Variants in COL7A1 observed in about 807,000 individuals in gnomAD.
The protein encoded by COL7A1 is collagen type VII alpha 1 chain, also known as collagen alpha-1(VII) chain.
Under a neutral mutation model 456.2 loss-of-function variants are expected in COL7A1, and 296 were observed. The ratio of observed to expected loss-of-function variants is 0.65; its 90% CI spans 0.59 to 0.71. The LOEUF (loss-of-function observed/expected upper bound fraction) is 0.71. Among genes scored for constraint, COL7A1 ranks in the 30% least tolerant of loss-of-function variants. The probability of loss-of-function intolerance (pLI) is 0.00; values close to 1 mark genes in which losing one functional copy is unlikely to be tolerated. For synonymous variants in COL7A1, 1,464 were observed against 1,525.9 expected (o/e 0.96, Z 0.95); for missense variants, 3,441 against 4,017.2 (o/e 0.86, Z 3.88).
chr3:48,594,683 G>C lies in COL7A1; in HGVS notation c.86-135C>G. 1.8e-6 allele frequency: 2 copies of C among 1,082,034 alleles called. No individual in the cohort carries two copies. The highest frequency in any genetic ancestry group is 2.7e-6 in the Non-Finnish European group (2 of 754,148). The allele number at this position is 1,082,034 out of a possible 1,614,324, so 67.0% of individuals were successfully genotyped here. ...ATGCAAACCAGGGCCGAATCGGCCTGAGCCTGAGGGCCTTGGAGGGAGTTG... is the reference window on the plus strand; with the variant it reads ...ATGCAAACCAGGGCCGAATCGGCCTCAGCCTGAGGGCCTTGGAGGGAGTTG... On this transcript the variant is annotated intron_variant, in intron 2 of 118. Coordinates refer to ENST00000681320, the MANE Select transcript of COL7A1 (RefSeq NM_000094.4). This position sits in a 1 kb window ranked among gnomAD's most constrained non-coding sequence, Gnocchi z 5.5.
At position 48,593,399 on chromosome 3, in the gene COL7A1, A is replaced by G. The variant is rs910778254; in HGVS notation, c.477T>C (p.Ala159=). 11 of 1,613,976 alleles carry G rather than the reference A, an allele frequency of 6.8e-6. No individual in the cohort carries two copies. The African/African-American group carries it at 9.3e-5, about 14-fold the overall frequency. Residue 159 remains alanine (A), a synonymous_variant, in exon 5 of 119, where the codon GCT becomes GCC. Coordinates refer to ENST00000681320, the MANE Select transcript of COL7A1 (RefSeq NM_000094.4). The surrounding 1 kb of genome is among the most constrained non-coding windows in gnomAD (Gnocchi z 4.4). ...DGKSQDLVDT[A]AQRLKGQGVK... ...CCCCCTGCCCCTTCAGCCTTTGGGC[A>G]GCTGTGTCCACCAGGTCCTGGGACT...
Position 48,571,829 on chromosome 3 carries a change from G to T in COL7A1, c.7068+172C>A. 1.3e-6 allele frequency: 1 copy of T among 796,698 alleles called. No homozygotes were observed. The highest frequency in any genetic ancestry group is 2.1e-6 in the Non-Finnish European group (1 of 486,936). 49.4% of individuals were successfully genotyped at this position (796,698 alleles called of 1,614,324 possible). The stretch of plus-strand genomic sequence containing the variant: ...AGACAGGGCCCCCAGAGCTCAGAGT[G>T]TGGAAGCCGACAGTGTGTGGCTCCC... On this transcript the variant is annotated intron_variant, in intron 92 of 118. Coordinates refer to ENST00000681320, the MANE Select transcript of COL7A1 (RefSeq NM_000094.4). This position sits in a 1 kb window ranked among gnomAD's most constrained non-coding sequence, Gnocchi z 4.6.
Position 48,566,804 on chromosome 3 carries a change from G to T in COL7A1, c.8227-67C>A. The T allele has an allele frequency of 6.3e-7, 1 of 1,599,254 alleles. No homozygotes were observed. Among genetic ancestry groups the T allele is most frequent in the East Asian group, 2.2e-5 (1 of 44,728 alleles). On this transcript the variant is annotated intron_variant, in intron 111 of 118. Coordinates refer to ENST00000681320, the MANE Select transcript of COL7A1 (RefSeq NM_000094.4). The surrounding 1 kb of genome is among the most constrained non-coding windows in gnomAD (Gnocchi z 5.9). The stretch of plus-strand genomic sequence containing the variant: ...GGGGATCAGAGTCAGGCAGGTTGGG[G>T]GCCACAGCTTCAGAGGTTGGGGCAG...
chr3:48,591,356 G>A lies in COL7A1; in HGVS notation c.1636+108C>T. On this transcript the variant is annotated intron_variant, in intron 13 of 118. Transcript: ENST00000681320. This position sits in a 1 kb window ranked among gnomAD's most constrained non-coding sequence, Gnocchi z 7.0. ...AGCAGATGGATAACGAGACAGGGAG[G>A]AGACTATAGGGACCCAGGTGTGGAA... 3 of 1,442,628 alleles carry A rather than the reference G, an allele frequency of 2.1e-6. No homozygotes were observed. Among genetic ancestry groups the A allele is most frequent in the East Asian group, 2.3e-5 (1 of 43,384 alleles). The allele number at this position is 1,442,628 out of a possible 1,614,324, so 89.4% of individuals were successfully genotyped here. A position where few individuals can be genotyped will look rare whatever the true frequency, so the allele number is the denominator to read the frequency against.
Position 48,587,887 on chromosome 3 carries a change from C to G in COL7A1, c.2763G>C (p.Leu921=). 1 of 1,611,126 alleles carries G rather than the reference C, an allele frequency of 6.2e-7. No individual in the cohort carries two copies. Among genetic ancestry groups the G allele is most frequent in the Non-Finnish European group, 8.5e-7 (1 of 1,179,050 alleles). Residue 921 remains leucine, a synonymous_variant, in exon 22 of 119, where the codon CTG becomes CTC. Coordinates refer to ENST00000681320, the MANE Select transcript of COL7A1 (RefSeq NM_000094.4). The surrounding 1 kb of genome is among the most constrained non-coding windows in gnomAD (Gnocchi z 6.1). ...VLGPELSSYH[L]DGLEPATQYR... ...ACTGTGTCGCTGGCTCCAGCCCGTC[C>G]AGGTGATAGCTGCTGAGCTCGGGCC...
At position 48,565,628 on chromosome 3, in the gene COL7A1, C is replaced by T. The variant is rs200575328; in HGVS notation, c.8440+8G>A. On this transcript the variant is annotated splice_region_variant and intron_variant, in intron 115 of 118. Transcript: ENST00000681320. This position sits in a 1 kb window ranked among gnomAD's most constrained non-coding sequence, Gnocchi z 4.5. ...TGAAGAAAGTTCTGGGAGTAGAAAA[C>T]TACTCACGTGATCCAGATGCGATGA... 5 of 1,614,070 alleles carry T rather than the reference C, an allele frequency of 3.1e-6. No homozygotes were observed. Among genetic ancestry groups the T allele is most frequent in the Admixed American group, 1.7e-5 (1 of 60,020 alleles).
In COL7A1 at chr3:48,590,895, C is replaced by T. The variant is rs141002543; in HGVS notation, c.1637-79G>A. On this transcript the variant is annotated intron_variant, in intron 13 of 118. Transcript: ENST00000681320. This position sits in a 1 kb window ranked among gnomAD's most constrained non-coding sequence, Gnocchi z 4.6. ...GGACGATGGCAGTGATGGACAGGGA[C>T]GCAGAGTGAGAAGGGCCATGGGGGT... The T allele has an allele frequency of 3.6e-4, 516 of 1,444,908 alleles. 1 individual carries two copies. In the African/African-American group the frequency reaches 6.2e-3, roughly 17 times the overall value. 89.5% of individuals were successfully genotyped at this position (1,444,908 alleles called of 1,614,324 possible).
intron 36 of COL7A1, 25 bp downstream of exon 36, chr3:48,584,460 T>A (rs1474918729): frequency 3.7e-6 from 6 of 1,613,668 alleles, no homozygotes; most frequent in Non-Finnish European, 5.1e-6. Context: ...TACACATCAC[T>A]TGCCTCCACA....
chr3:48,565,433 C>T lies in COL7A1; in HGVS notation c.8504G>A (p.Arg2835His), dbSNP rs139014122. The change falls in exon 116 of 119, where the codon CGC (arginine) becomes CAC (histidine). Residue 2835 changes from arginine (R) to histidine (H), a missense_variant. This residue lies in a region of COL7A1 where 2,084 missense variants were observed against 2,501.3 expected (regional missense o/e 0.83). Coordinates refer to ENST00000681320, the MANE Select transcript of COL7A1 (RefSeq NM_000094.4). The surrounding 1 kb of genome is among the most constrained non-coding windows in gnomAD (Gnocchi z 4.5). The stretch of plus-strand genomic sequence containing the variant: ...ACCTTCCTCCTCTGCATGAGAGACG[C>T]GGAGCACAGGCACAGCATGGAGCTG... The part of the protein sequence containing the change: ...GSQLHAVPVL[R>H]VSHAEEEERV... The T allele has an allele frequency of 5.1e-4, 823 of 1,612,200 alleles. 7 individuals are homozygous for T. Among genetic ancestry groups the T allele is most frequent in the Middle Eastern group, 3.3e-4 (2 of 6,048 alleles).
Position 48,567,143 on chromosome 3 carries a change from G to T in COL7A1, c.8094C>A (p.Gly2698=), listed in dbSNP as rs199936185. 15 of 1,613,838 alleles carry T rather than the reference G, an allele frequency of 9.3e-6. No homozygotes were observed. The highest frequency in any genetic ancestry group is 1.3e-5 in the Non-Finnish European group (15 of 1,179,956). The change falls in exon 110 of 119, where the codon GGC becomes GGA. Residue 2698 remains glycine, a synonymous_variant. Transcript: ENST00000681320. The surrounding 1 kb of genome is among the most constrained non-coding windows in gnomAD (Gnocchi z 4.3). ...DGQPGPKGDQ[G]EKGERGTPGI... ...TTCAACTCACCCGCTCCCCTTTCTCGCCCTGGTCACCCTTGGGGCCTGGCT... is the reference window on the plus strand; with the variant it reads ...TTCAACTCACCCGCTCCCCTTTCTCTCCCTGGTCACCCTTGGGGCCTGGCT...
chr3:48,577,955 G>T (rs1306225531), intron 65 of COL7A1, among the ~76,000 whole-genome samples: 1 of 152,158 alleles, frequency 6.6e-6, no homozygotes. Context: ...ATCACCTGAG[G>T]TCAGTTTGTG....
rs1396459346 is a variant in COL7A1, at chr3:48,592,465, C to A, written c.979G>T (p.Ala327Ser). 6.2e-7 allele frequency: 1 copy of A among 1,613,450 alleles called. No homozygotes were observed. Among genetic ancestry groups the A allele is most frequent in the Non-Finnish European group, 8.5e-7 (1 of 1,179,996 alleles). Residue 327 changes from alanine (A) to serine (S), a missense_variant and splice_region_variant, in exon 9 of 119, where the codon GCC becomes TCC. Ala to Ser is a moderately conservative substitution (Grantham distance 99, BLOSUM62 1). Transcript: ENST00000681320. The surrounding 1 kb of genome is among the most constrained non-coding windows in gnomAD (Gnocchi z 7.6). ...EAVSGTARTT[A>S]LEGPELTIQN... ...ATGGTCAGTTCCGGCCCTTCTAGGG[C>A]AGCTGGGGGAGAGTCCCACCAGGGA...
chr3:48,568,965 C>T lies in COL7A1; in HGVS notation c.7687-110G>A. On this transcript the variant is annotated intron_variant, in intron 103 of 118. Coordinates refer to ENST00000681320, the MANE Select transcript of COL7A1 (RefSeq NM_000094.4). This position sits in a 1 kb window ranked among gnomAD's most constrained non-coding sequence, Gnocchi z 5.2. ...GAGCTCAAGTCACTCCCGAACGGCCCTAGCAGCACGTCCTCCCAGCCTGTG... is the reference window on the plus strand; with the variant it reads ...GAGCTCAAGTCACTCCCGAACGGCCTTAGCAGCACGTCCTCCCAGCCTGTG... 4 of 1,067,308 alleles carry T rather than the reference C, an allele frequency of 3.7e-6. No homozygotes were observed. The highest frequency in any genetic ancestry group is 5.6e-6 in the Non-Finnish European group (4 of 715,526). The allele number at this position is 1,067,308 out of a possible 1,614,324, so 66.1% of individuals were successfully genotyped here.
In COL7A1 at chr3:48,583,336, ACC is replaced by A; in HGVS notation, c.4437+55_4437+56del. ...TCCTTATCTTCCAGCCTCCCCTAAC[ACC>A]ATGGGGAGCCCAGAGTAGCACCCCT... On this transcript the variant is annotated intron_variant, in intron 42 of 118. Transcript: ENST00000681320. This position sits in a 1 kb window ranked among gnomAD's most constrained non-coding sequence, Gnocchi z 5.1. The A allele has an allele frequency of 1.2e-6, 2 of 1,610,128 alleles. No individual in the cohort carries two copies. Among genetic ancestry groups the A allele is most frequent in the Non-Finnish European group, 1.7e-6 (2 of 1,176,650 alleles).
Position 48,586,727 on chromosome 3 carries a change from C to T in COL7A1, c.3277-38G>A, listed in dbSNP as rs970737936. The T allele has an allele frequency of 6.4e-7, 1 of 1,555,622 alleles. No homozygotes were observed. The highest frequency in any genetic ancestry group is 8.7e-7 in the Non-Finnish European group (1 of 1,149,146). On this transcript the variant is annotated intron_variant, in intron 25 of 118. Coordinates refer to ENST00000681320, the MANE Select transcript of COL7A1 (RefSeq NM_000094.4). This position sits in a 1 kb window ranked among gnomAD's most constrained non-coding sequence, Gnocchi z 5.1. The stretch of plus-strand genomic sequence containing the variant: ...GAAACACAGAGCCTGAGGAGGATGA[C>T]AGAGCAGGGATGGGGGTGCACAGAG...
Position 48,584,665 on chromosome 3 carries a change from G to A in COL7A1, c.4047+69C>T, listed in dbSNP as rs796819070. The A allele has an allele frequency of 5.0e-6, 8 of 1,612,774 alleles. No homozygotes were observed. The South Asian group carries it at 5.5e-5, about 11-fold the overall frequency. On this transcript the variant is annotated intron_variant, in intron 35 of 118. Coordinates refer to ENST00000681320, the MANE Select transcript of COL7A1 (RefSeq NM_000094.4). ...CTATTCGCGCCTTAGGCCCTGCACA[G>A]GGTCTGGTGTGGGGCAGTCCTGCTC...
rs2043778513 is a variant in COL7A1 at position 48,569,533 on chromosome 3, G to A, written c.7614+59C>T. 7.4e-6 allele frequency: 12 copies of A among 1,612,850 alleles called. No individual in the cohort carries two copies. In the South Asian group the frequency reaches 9.9e-5, roughly 13 times the overall value. ...TTGAGCTCTCAGATGCCCTGGGCCA[G>A]CCCCACGGGGTCCCTCTCGCACCCA... On this transcript the variant is annotated intron_variant, in intron 102 of 118. Coordinates refer to ENST00000681320, the MANE Select transcript of COL7A1 (RefSeq NM_000094.4). The surrounding 1 kb of genome is among the most constrained non-coding windows in gnomAD (Gnocchi z 4.9).
In COL7A1 at chr3:48,565,998, G is replaced by A. The variant is rs2043588974; in HGVS notation, c.8407+269C>T. 6.6e-6 allele frequency among the ~76,000 whole-genome samples: 1 copy of A among 152,122 alleles called. No homozygotes were observed. Among genetic ancestry groups the A allele is most frequent in the Admixed American group, 6.5e-5 (1 of 15,280 alleles). Reference sequence around the variant, plus strand: ...CCCACCGGGTCCAGGTCAGGCCCAAGGGGACCAGCTCTGCTCCCACCATCA... The same window carrying A: ...CCCACCGGGTCCAGGTCAGGCCCAAAGGGACCAGCTCTGCTCCCACCATCA... On this transcript the variant is annotated intron_variant, in intron 114 of 118. Transcript: ENST00000681320. This position sits in a 1 kb window ranked among gnomAD's most constrained non-coding sequence, Gnocchi z 4.5.
At position 48,588,240 on chromosome 3, in the gene COL7A1, G is replaced by A. The variant is rs1336922824; in HGVS notation, c.2710+42C>T. 6.2e-7 allele frequency: 1 copy of A among 1,612,638 alleles called. No individual in the cohort carries two copies. Among genetic ancestry groups the A allele is most frequent in the Non-Finnish European group, 8.5e-7 (1 of 1,179,952 alleles). ...ACCTTGCGGAGTCTGCCACAGCCCTGCCCCCAATGGTCCCTAACTTCCTCC... is the reference window on the plus strand; with the variant it reads ...ACCTTGCGGAGTCTGCCACAGCCCTACCCCCAATGGTCCCTAACTTCCTCC... On this transcript the variant is annotated intron_variant, in intron 21 of 118. Coordinates refer to ENST00000681320, the MANE Select transcript of COL7A1 (RefSeq NM_000094.4). This position sits in a 1 kb window ranked among gnomAD's most constrained non-coding sequence, Gnocchi z 4.6.
Sources: allele counts gnomAD v4.1 joint callset (sites outside exome capture counted in the v4.1 genomes callset), GRCh38; gene constraint gnomAD v4.1.1; regional missense constraint gnomAD v4.1.1; non-coding constraint Gnocchi (gnomAD v3.1); transcripts MANE v1.5; gene names NCBI Gene and HGNC (gene_info 2026-07-23, HGNC 2026-07-21).